The following STPG2 variants were observed in gnomAD, a reference collection of about 807,000 sequenced individuals.
STPG2 encodes the protein sperm tail PG-rich repeat containing 2, also known as sperm-tail PG-rich repeat-containing protein 2.
A neutral mutation model predicts 54.2 loss-of-function variants in STPG2; 56 were observed. That is an observed-to-expected ratio of 1.03 (90% CI 0.83 to 1.29). The LOEUF (loss-of-function observed/expected upper bound fraction) is 1.29. STPG2 is among the 50% of genes most tolerant of loss of function. The probability of loss-of-function intolerance (pLI) is 0.00; values close to 1 mark genes in which losing one functional copy is unlikely to be tolerated. For synonymous variants in STPG2, 200 were observed against 181.8 expected, an observed-to-expected ratio of 1.10 and a Z score of -0.81; for missense variants, 596 against 544.9, an observed-to-expected ratio of 1.09 and a Z score of -0.93.
At chr4:97,609,896 G>T (rs1163306326) in intron 10 of STPG2, among the ~76,000 whole-genome samples, 2 of 151,278 alleles carry the variant, frequency 1.3e-5, no homozygotes, top group Admixed American at 1.3e-4. Flanking sequence ...TTTTTATCTT[G>T]ATTTATCATC....
intron 10 of STPG2, among the ~76,000 whole-genome samples, chr4:97,576,228 CA>C (rs1732718883): frequency 6.6e-6 from 1 of 150,502 alleles, no homozygotes; most frequent in Non-Finnish European, 1.5e-5. Flanking sequence ...ATCAAACTAC[CA>C]AGGTCATTTT....
intron 10 of STPG2, among the ~76,000 whole-genome samples, chr4:97,617,338 T>C (rs183967801): frequency 1.6e-3 from 241 of 152,322 alleles, no homozygotes; most frequent in African/African-American, 5.7e-3. Context: ...ATTTTCTGAA[T>C]TCTTGTAAGA....
intron 1 of STPG2, among the ~76,000 whole-genome samples, chr4:98,141,850 A>AG (rs990826479): frequency 2.1e-5 from 3 of 146,324 alleles, no homozygotes; most frequent in African/African-American, 7.6e-5. Context: ...CTGCTTGGAG[A>AG]GGGGGAGAAG....
chr4:97,938,343 A>G (rs1298430684), intron 8 of STPG2, among the ~76,000 whole-genome samples: 2 of 152,162 alleles, frequency 1.3e-5, no homozygotes, highest in Non-Finnish European at 1.5e-5. Flanking sequence ...GATAGCTGTC[A>G]TCCCTCCCCT....
chr4:97,937,360 C>T lies in STPG2; in HGVS notation c.1044+6537G>A, dbSNP rs575488940. ...CTCAGCAAAGTATGTTATTATCCAC[C>T]TTTCTAAAGGCTACTTCTGTAATTC... On this transcript the variant is annotated intron_variant, in intron 8 of 10. Coordinates refer to ENST00000295268, the MANE Select transcript of STPG2 (RefSeq NM_174952.3). Among the ~76,000 whole-genome samples the T allele has an allele frequency of 1.6e-4, 24 of 152,102 alleles. No homozygotes were observed. In the South Asian group the frequency reaches 2.7e-3, roughly 17 times the overall value.
intron 4 of STPG2, among the ~76,000 whole-genome samples, chr4:97,452,341 GAGAC>G (rs975101711): frequency 2.6e-5 from 4 of 152,110 alleles, no homozygotes; most frequent in Admixed American, 2.6e-4. Context: ...AGGACAGGTG[GAGAC>G]AGACAGATTC....
At chr4:97,922,855 G>A (rs574113314) in intron 8 of STPG2, among the ~76,000 whole-genome samples, 15 of 151,510 alleles carry the variant, frequency 9.9e-5, no homozygotes, top group South Asian at 6.3e-4. Context: ...CTTTTTTCCC[G>A]GTGTCATTAT....
At chr4:97,683,694 G>GA (rs1723102524) in intron 10 of STPG2, among the ~76,000 whole-genome samples, 1 of 151,572 alleles carries the variant, frequency 6.6e-6, no homozygotes, top group African/African-American at 2.4e-5. Flanking sequence ...TGCTTTTCTC[G>GA]TAAGATCAGG....
intron 10 of STPG2, among the ~76,000 whole-genome samples, chr4:97,679,196 G>C (rs188860444): frequency 6.6e-6 from 1 of 152,142 alleles, no homozygotes; most frequent in Non-Finnish European, 1.5e-5. Flanking sequence ...CTGAGGAATC[G>C]CCACACTAAC....
intron 4 of STPG2, among the ~76,000 whole-genome samples, chr4:97,448,905 A>C (rs1729297295): frequency 6.6e-6 from 1 of 152,140 alleles, no homozygotes; most frequent in Admixed American, 6.6e-5. Flanking sequence ...ATATTAAAAA[A>C]AGAATAGCAT....
intron 10 of STPG2, among the ~76,000 whole-genome samples, chr4:97,656,158 A>G (rs1021816562): frequency 6.6e-6 from 1 of 152,136 alleles, no homozygotes; most frequent in Non-Finnish European, 1.5e-5. Context: ...CTGCAAATAC[A>G]TGTGTTAAAG....
intron 4 of STPG2, among the ~76,000 whole-genome samples, chr4:97,474,233 G>A (rs762093990): frequency 5.9e-5 from 9 of 151,800 alleles, no homozygotes; most frequent in South Asian, 2.1e-4. Flanking sequence ...TTCTGTGAAC[G>A]TAAAATTGCT....
chr4:97,752,094 A>G (rs1258961326), intron 9 of STPG2, among the ~76,000 whole-genome samples: 1 of 151,726 alleles, frequency 6.6e-6, no homozygotes, highest in African/African-American at 2.4e-5. Flanking sequence ...CTTATACAAA[A>G]CCCTTATGAT....
intron 4 of STPG2, among the ~76,000 whole-genome samples, chr4:97,526,457 T>C (rs1269832988): frequency 6.6e-6 from 1 of 151,956 alleles, no homozygotes; most frequent in African/African-American, 2.4e-5. Context: ...AAATGAGTTT[T>C]GTTTCTTTTT....
At chr4:98,071,810 T>C (rs1211256646) in intron 5 of STPG2, among the ~76,000 whole-genome samples, 3 of 151,942 alleles carry the variant, frequency 2.0e-5, no homozygotes, top group Admixed American at 6.6e-5. Context: ...GAAAAAAAGC[T>C]CAACATCACT....
chr4:97,779,143 G>A (rs1726502280), intron 9 of STPG2, among the ~76,000 whole-genome samples: 1 of 152,152 alleles, frequency 6.6e-6, no homozygotes, highest in Admixed American at 6.5e-5. Context: ...CGAGGTAAAG[G>A]AAGAAAGTCG....
chr4:97,732,567 T>C (rs1168909899), intron 9 of STPG2, among the ~76,000 whole-genome samples: 1 of 151,960 alleles, frequency 6.6e-6, no homozygotes, highest in Non-Finnish European at 1.5e-5. Context: ...GAAAAATAAA[T>C]AAGCAGGACC....
rs61146705 is a variant in STPG2 at position 98,088,672 on chromosome 4, GAAA to G, written c.612+17278_612+17280del. On this transcript the variant is annotated intron_variant, in intron 5 of 10. Transcript: ENST00000295268. ...GGACTATAAAATCTCTCCTTTAGGG[GAAA>G]AAAAAAAAAAAAAAAAACTCTAGCC... is the stretch of plus-strand genomic sequence containing the variant. 1.4e-3 allele frequency among the ~76,000 whole-genome samples: 170 copies of G among 125,372 alleles called. 3 individuals carry two copies. In the East Asian group the frequency reaches 0.017, roughly 12 times the overall value. The allele number at this position is 125,372 out of a possible 152,430, so 82.2% of individuals were successfully genotyped here. A position where few individuals can be genotyped will look rare whatever the true frequency, so the allele number is the denominator to read the frequency against.
intron 9 of STPG2, among the ~76,000 whole-genome samples, chr4:97,790,778 C>A (rs1047566074): frequency 9.2e-5 from 14 of 152,166 alleles, no homozygotes; most frequent in African/African-American, 2.9e-4. Flanking sequence ...AGATTGGGCC[C>A]ACCTGAATAG....
Sources: gnomAD v4.1 joint callset for allele counts (sites outside exome capture counted in the v4.1 genomes callset) on GRCh38, gnomAD v4.1.1 for gene constraint, MANE v1.5 for transcripts, NCBI Gene and HGNC (gene_info 2026-07-23, HGNC 2026-07-21) for gene names.